Variants in FHIT observed in about 807,000 individuals in gnomAD.
FHIT encodes the protein bis(5'-adenosyl)-triphosphatase.
In FHIT, 19 loss-of-function variants were observed where a neutral mutation model predicts 17.9. That is an observed-to-expected ratio of 1.06 (90% CI 0.74 to 1.56). FHIT has a LOEUF of 1.56. FHIT is among the 40% of genes most tolerant of loss of function. FHIT has a pLI of 0.00. For synonymous variants in FHIT, 81 were observed against 69.7 expected, an observed-to-expected ratio of 1.16 and a Z score of -0.81; for missense variants, 248 against 189.2, an observed-to-expected ratio of 1.31 and a Z score of -1.82.
intron 8 of FHIT, among the ~76,000 whole-genome samples, chr3:59,891,505 C>T (rs1289827667): frequency 1.3e-5 from 2 of 152,150 alleles, no homozygotes; most frequent in African/African-American, 4.8e-5. Context: ...AGCCAGTCAT[C>T]CCCCCGACAT....
chr3:60,892,531 T>C (rs1298178346), intron 3 of FHIT, among the ~76,000 whole-genome samples: 4 of 152,190 alleles, frequency 2.6e-5, no homozygotes. Flanking sequence ...CGTCTATAAC[T>C]CCTGCTATTA....
intron 7 of FHIT, among the ~76,000 whole-genome samples, chr3:59,957,133 T>G (rs983068957): frequency 6.6e-6 from 1 of 152,158 alleles, no homozygotes; most frequent in African/African-American, 2.4e-5. Context: ...GAAGCCCTCA[T>G]CCCCAGTACC....
chr3:61,085,487 G>A (rs756168742), intron 2 of FHIT, among the ~76,000 whole-genome samples: 17 of 151,840 alleles, frequency 1.1e-4, no homozygotes, highest in East Asian at 3.9e-4. Context: ...TCTTATTACC[G>A]ACATAAGAAT....
chr3:60,963,988 T>C (rs982569043), intron 3 of FHIT, among the ~76,000 whole-genome samples: 1 of 152,182 alleles, frequency 6.6e-6, no homozygotes, highest in African/African-American at 2.4e-5. Flanking sequence ...GATATCATTG[T>C]TAACTTTCTG....
chr3:60,154,683 C>T lies in FHIT; in HGVS notation c.104-140531G>A, dbSNP rs140940336. Among the ~76,000 whole-genome samples, 29 of 152,190 alleles carry T rather than the reference C, an allele frequency of 1.9e-4. No individual in the cohort carries two copies. In the East Asian group the frequency reaches 3.7e-3, roughly 19 times the overall value. On this transcript the variant is annotated intron_variant, in intron 5 of 9. Coordinates refer to ENST00000492590, the MANE Select transcript of FHIT (RefSeq NM_002012.4). ...TAGTGAAATGGGTCCAATGACATGA[C>T]GGTTTCATATGATAATGGAACTATG...
chr3:60,014,033 C>T lies in FHIT; in HGVS notation c.223G>A (p.Gly75Arg). Residue 75 changes from glycine (G) to arginine (R), a missense_variant, in exon 6 of 10, where the codon GGG becomes AGG. By Grantham distance (125) the Gly-to-Arg change is moderately radical. Coordinates refer to ENST00000492590, the MANE Select transcript of FHIT (RefSeq NM_002012.4). ...TGCATGGAAAAGGTGAGAGAGGTCC[C>T]ATGGAAATGTTTTTCCACCACTGTC... The part of the protein sequence containing the change: ...VGTVVEKHFH[G>R]TSLTFSMQDG... 1.2e-6 allele frequency: 2 copies of T among 1,614,004 alleles called. No homozygotes were observed. The highest frequency in any genetic ancestry group is 1.7e-6 in the Non-Finnish European group (2 of 1,179,932).
rs111671209 is a variant in FHIT at position 59,853,154 on chromosome 3, T to C, written c.348+69192A>G. Among the ~76,000 whole-genome samples, 58 of 152,166 alleles carry C rather than the reference T, an allele frequency of 3.8e-4. 1 individual carries two copies. Among genetic ancestry groups the C allele is most frequent in the African/African-American group, 1.2e-3 (51 of 41,520 alleles). On this transcript the variant is annotated intron_variant, in intron 8 of 9. Transcript: ENST00000492590. ...CATTCCCAACAGAAATGAATGAGAGTTCCTGTTGCTTCACATCCTCTCTAG... is the reference window on the plus strand; with the variant it reads ...CATTCCCAACAGAAATGAATGAGAGCTCCTGTTGCTTCACATCCTCTCTAG...
In FHIT at chr3:60,928,289, C is replaced by T. The variant is rs572958127; in HGVS notation, c.-110-106278G>A. ...GCGAAATCCCCCTCTCTGAGAAACA[C>T]CCAAGAATGATCAACAAATACTAAA... On this transcript the variant is annotated intron_variant, in intron 3 of 9. Coordinates refer to ENST00000492590, the MANE Select transcript of FHIT (RefSeq NM_002012.4). Among the ~76,000 whole-genome samples the T allele has an allele frequency of 2.7e-5, 4 of 146,498 alleles. No homozygotes were observed. In the East Asian group the frequency reaches 5.9e-4, roughly 22 times the overall value.
chr3:61,103,958 G>A (rs1028643605), intron 2 of FHIT, among the ~76,000 whole-genome samples: 25 of 148,224 alleles, frequency 1.7e-4, no homozygotes, highest in African/African-American at 5.7e-4. Flanking sequence ...GCCTATGTGT[G>A]TCTTTGCACA....
At chr3:60,156,103 C>T (rs1700677037) in intron 5 of FHIT, among the ~76,000 whole-genome samples, 1 of 152,104 alleles carries the variant, frequency 6.6e-6, no homozygotes, top group Non-Finnish European at 1.5e-5. Flanking sequence ...CCTGTAATCC[C>T]AGCACTTTGG....
intron 3 of FHIT, among the ~76,000 whole-genome samples, chr3:60,884,553 C>T (rs1224380962): frequency 1.3e-5 from 2 of 151,900 alleles, no homozygotes; most frequent in Non-Finnish European, 2.9e-5. Context: ...ACAATTAAGC[C>T]TAAAATATAT....
chr3:59,751,525 G>C (rs780375), intron 9 of FHIT: 141,546 of 215,814 alleles, frequency 0.66, 47,042 homozygotes, highest in East Asian at 0.9. Context: ...GCATGAGCTC[G>C]TTAGACACTG....
intron 4 of FHIT, among the ~76,000 whole-genome samples, chr3:60,789,609 G>A (rs1700709524): frequency 6.6e-6 from 1 of 152,122 alleles, no homozygotes; most frequent in Non-Finnish European, 1.5e-5. Flanking sequence ...CTGTATGGTG[G>A]GCAGCAATGT....
At chr3:60,540,181 A>G (rs1283997115) in intron 4 of FHIT, among the ~76,000 whole-genome samples, 4 of 152,170 alleles carry the variant, frequency 2.6e-5, no homozygotes, top group African/African-American at 9.6e-5. Flanking sequence ...CTGAACACGC[A>G]GAAGTTCCTG....
intron 4 of FHIT, among the ~76,000 whole-genome samples, chr3:60,609,537 G>C (rs977022691): frequency 6.6e-6 from 1 of 152,046 alleles, no homozygotes; most frequent in Non-Finnish European, 1.5e-5. Flanking sequence ...ATGTTGGTTA[G>C]ACTGGTCTTG....
At chr3:60,900,567 C>A (rs1194292223) in intron 3 of FHIT, among the ~76,000 whole-genome samples, 2 of 151,976 alleles carry the variant, frequency 1.3e-5, no homozygotes, top group African/African-American at 2.4e-5. Flanking sequence ...GCCCTGCCAA[C>A]CATATTTGAG....
intron 4 of FHIT, among the ~76,000 whole-genome samples, chr3:60,551,127 G>A (rs2036532088): frequency 6.6e-6 from 1 of 151,988 alleles, no homozygotes; most frequent in Non-Finnish European, 1.5e-5. Flanking sequence ...TTAGAGGAAT[G>A]GAAAGAAGAG....
chr3:60,470,719 G>A (rs936418188), intron 5 of FHIT, among the ~76,000 whole-genome samples: 1 of 151,964 alleles, frequency 6.6e-6, no homozygotes, highest in African/African-American at 2.4e-5. Context: ...GGCCAAACTG[G>A]TACCCAAGCG....
intron 7 of FHIT, among the ~76,000 whole-genome samples, chr3:59,933,397 A>AT (rs553711073): frequency 1.6e-4 from 24 of 152,272 alleles, no homozygotes; most frequent in East Asian, 1.4e-3. Flanking sequence ...TAAGAATATT[A>AT]TATGTTGGAA....
Sources: allele counts gnomAD v4.1 joint callset (sites outside exome capture counted in the v4.1 genomes callset), GRCh38; gene constraint gnomAD v4.1.1; transcripts MANE v1.5; gene names NCBI Gene and HGNC (gene_info 2026-07-23, HGNC 2026-07-21).